The following APBB1IP variants were observed in gnomAD, a reference collection of about 807,000 sequenced individuals.
APBB1IP encodes amyloid beta A4 precursor protein-binding family B member 1-interacting protein.
APBB1IP carries 27 observed loss-of-function variants against 64.9 expected under a neutral mutation model. That is an observed-to-expected ratio of 0.42 (90% CI 0.31 to 0.57). The LOEUF (loss-of-function observed/expected upper bound fraction) is 0.57, where lower values mean the gene tolerates loss of function less well. Ranked by LOEUF, APBB1IP falls within the 20% of genes least tolerant of loss-of-function variation. The pLI is 0.20. For missense variants in APBB1IP, 812 were observed against 845.5 expected (o/e 0.96, Z 0.49); for synonymous variants, 392 against 331.0 (o/e 1.18, Z -2.00).
chr10:26,479,425 G>A (rs1835811310), intron 2 of APBB1IP, among the ~76,000 whole-genome samples: 1 of 151,858 alleles, frequency 6.6e-6, no homozygotes, highest in South Asian at 2.1e-4. Context: ...ATAGGAGACA[G>A]CAATAATTTA....
At chr10:26,548,271 T>G (rs1222175920) in intron 11 of APBB1IP, among the ~76,000 whole-genome samples, 2 of 152,118 alleles carry the variant, frequency 1.3e-5, no homozygotes, top group Non-Finnish European at 2.9e-5. Flanking sequence ...TGTGCCATGT[T>G]GGTGTGCTGC....
intron 6 of APBB1IP, among the ~76,000 whole-genome samples, chr10:26,505,399 C>T (rs976939120): frequency 2.0e-5 from 3 of 152,164 alleles, no homozygotes; most frequent in Non-Finnish European, 4.4e-5. Context: ...ATTGGAACTC[C>T]ACGTCCTCAT....
chr10:26,516,222 T>C lies in APBB1IP; in HGVS notation c.813+2562T>C, dbSNP rs140971719. Reference sequence around the variant, plus strand: ...ACAGAATCACAGAAACAGTCTGTGGTCTGTGCCCTTCTCCAAAGATGAATT... The same window carrying C: ...ACAGAATCACAGAAACAGTCTGTGGCCTGTGCCCTTCTCCAAAGATGAATT... On this transcript the variant is annotated intron_variant, in intron 8 of 14. Coordinates refer to ENST00000376236, the MANE Select transcript of APBB1IP (RefSeq NM_019043.4). Among the ~76,000 whole-genome samples, 900 of 152,042 alleles carry C rather than the reference T, an allele frequency of 5.9e-3. 6 individuals carry two copies. Among genetic ancestry groups the C allele is most frequent in the African/African-American group, 0.021 (855 of 41,438 alleles).
intron 2 of APBB1IP, among the ~76,000 whole-genome samples, chr10:26,451,195 G>T (rs1589189966): frequency 6.6e-6 from 1 of 152,280 alleles, no homozygotes; most frequent in East Asian, 1.9e-4. Flanking sequence ...AAATTAAGGT[G>T]ACATGGAAGA....
intron 8 of APBB1IP, among the ~76,000 whole-genome samples, chr10:26,515,046 T>TG (rs1300684359): frequency 2.7e-5 from 4 of 149,910 alleles, no homozygotes; most frequent in South Asian, 2.1e-4. Flanking sequence ...TAATTTTTTT[T>TG]TTTTTTTTTG....
At position 26,560,087 on chromosome 10, in the gene APBB1IP, GA is replaced by G; in HGVS notation, c.1156-15del. On this transcript the variant is annotated splice_polypyrimidine_tract_variant and intron_variant, in intron 11 of 14. Transcript: ENST00000376236. ...ACATGACAAGTGAATACATTGTCTC[GA>G]AACTGCTTCTTTCTAGCACCCCCAA... 6.2e-7 allele frequency: 1 copy of G among 1,606,174 alleles called. No individual in the cohort carries two copies. Among genetic ancestry groups the G allele is most frequent in the Non-Finnish European group, 8.5e-7 (1 of 1,173,010 alleles).
Position 26,511,812 on chromosome 10 carries a change from G to A in APBB1IP, c.597G>A (p.Leu199=), listed in dbSNP as rs1301068517. The change falls in exon 7 of 15, where the codon CTG becomes CTA. Residue 199 remains leucine (L), a synonymous_variant. Transcript: ENST00000376236. ...CACTGATGGTGGATGAGCGGCAGCT[G>A]GCCCGAGATGTTCTGGACAACCTTT... ...TKSLMVDERQ[L]ARDVLDNLFE... The A allele has an allele frequency of 1.2e-6, 2 of 1,614,068 alleles. No individual in the cohort carries two copies. Among genetic ancestry groups the A allele is most frequent in the African/African-American group, 1.3e-5 (1 of 74,926 alleles).
At chr10:26,560,891 T>C (rs1564379204) in intron 13 of APBB1IP, 47 bp downstream of exon 13, 2 of 1,448,944 alleles carry the variant, frequency 1.4e-6, no homozygotes, top group Non-Finnish European at 1.9e-6. Context: ...AGCTTGGTGC[T>C]CCAGTTCAAA....
At chr10:26,504,421 A>G (rs1836146233) in intron 6 of APBB1IP, among the ~76,000 whole-genome samples, 1 of 152,190 alleles carries the variant, frequency 6.6e-6, no homozygotes, top group South Asian at 2.1e-4. Context: ...AGTGTTAATA[A>G]TAGTTAGGCT....
chr10:26,541,713 C>A, intron 11 of APBB1IP, 21 bp downstream of exon 11: 1 of 1,499,072 alleles, frequency 6.7e-7, no homozygotes. Flanking sequence ...AGAAGTCATT[C>A]ATTTAGATTT....
intron 13 of APBB1IP, chr10:26,561,913 A>AC: frequency 5.8e-6 from 1 of 172,840 alleles, no homozygotes; most frequent in Non-Finnish European, 1.3e-5. Context: ...AAACTGGATA[A>AC]ATACATTTTA....
At chr10:26,455,908 C>G (rs971836244) in intron 2 of APBB1IP, among the ~76,000 whole-genome samples, 1 of 152,138 alleles carries the variant, frequency 6.6e-6, no homozygotes, top group Non-Finnish European at 1.5e-5. Flanking sequence ...ACCCAAATGT[C>G]CATCAACTAA....
chr10:26,456,216 A>T (rs1247508045), intron 2 of APBB1IP, among the ~76,000 whole-genome samples: 2 of 152,314 alleles, frequency 1.3e-5, no homozygotes, highest in African/African-American at 4.8e-5. Context: ...ATACACTTTA[A>T]ATAGGTGGAT....
Position 26,438,793 on chromosome 10 carries a change from C to G in APBB1IP, c.-61C>G, listed in dbSNP as rs1835307274. 6.6e-6 allele frequency: 1 copy of G among 152,602 alleles called. No homozygotes were observed. The highest frequency in any genetic ancestry group is 1.5e-5 in the Non-Finnish European group (1 of 68,390). The allele number at this position is 152,602 out of a possible 1,614,324, so 9.5% of individuals were successfully genotyped here. On this transcript the variant is annotated 5_prime_UTR_variant, in exon 2 of 15. Coordinates refer to ENST00000376236, the MANE Select transcript of APBB1IP (RefSeq NM_019043.4). ...GTGCGGCAGTCTGCACCGCGCGTCGCTTTCCCGGCCGGAGTCTCGCCGCCT... is the reference window on the plus strand; with the variant it reads ...GTGCGGCAGTCTGCACCGCGCGTCGGTTTCCCGGCCGGAGTCTCGCCGCCT...
intron 3 of APBB1IP, 104 bp from the exon 4 acceptor site, chr10:26,496,200 G>A (rs905498775): frequency 2.5e-5 from 21 of 827,062 alleles, no homozygotes; most frequent in Non-Finnish European, 3.2e-5. Flanking sequence ...CACACTAAGG[G>A]AGAAAATGTG....
intron 2 of APBB1IP, among the ~76,000 whole-genome samples, chr10:26,489,542 C>T (rs899618552): frequency 1.3e-5 from 2 of 152,106 alleles, no homozygotes; most frequent in African/African-American, 2.4e-5. Context: ...CACTGATTCA[C>T]GCAAAATGAT....
intron 3 of APBB1IP, among the ~76,000 whole-genome samples, chr10:26,495,887 T>TTA (rs547080357): frequency 0.013 from 1,921 of 143,724 alleles, 18 homozygotes; most frequent in Admixed American, 0.022. Flanking sequence ...TTACAGAATT[T>TTA]TATATATATA....
At chr10:26,477,899 A>T (rs1273662174) in intron 2 of APBB1IP, among the ~76,000 whole-genome samples, 1 of 152,082 alleles carries the variant, frequency 6.6e-6, no homozygotes, top group African/African-American at 2.4e-5. Flanking sequence ...ACTTTTTAAA[A>T]TTTTTTGTAG....
chr10:26,498,275 G>A (rs1265031493), intron 4 of APBB1IP, among the ~76,000 whole-genome samples: 2 of 151,904 alleles, frequency 1.3e-5, no homozygotes, highest in East Asian at 1.9e-4. Flanking sequence ...TTGGGAGGCC[G>A]ACGCTGGTGG....
Sources: gnomAD v4.1 joint callset for allele counts (sites outside exome capture counted in the v4.1 genomes callset) on GRCh38, gnomAD v4.1.1 for gene constraint, MANE v1.5 for transcripts, NCBI Gene and HGNC (gene_info 2026-07-23, HGNC 2026-07-21) for gene names.